Variants in RBFOX1 observed in about 807,000 individuals in gnomAD.
RBFOX1 encodes the protein RNA binding protein fox-1 homolog 1.
In RBFOX1, 8 loss-of-function variants were observed where a neutral mutation model predicts 57.7. That is an observed-to-expected ratio of 0.14 (90% CI 0.08 to 0.25). The LOEUF is 0.25. Ranked by LOEUF, RBFOX1 falls within the 10% of genes least tolerant of loss-of-function variation. RBFOX1 has a pLI of 1.00. For synonymous variants in RBFOX1, 326 were observed against 222.4 expected, an observed-to-expected ratio of 1.47 and a Z score of -4.15; for missense variants, 611 against 548.5, an observed-to-expected ratio of 1.11 and a Z score of -1.14.
intron 4 of RBFOX1, among the ~76,000 whole-genome samples, chr16:7,237,405 A>T (rs924975857): frequency 6.6e-6 from 1 of 152,162 alleles, no homozygotes; most frequent in Admixed American, 6.5e-5. Context: ...ATTTGAACTG[A>T]TCCTTCTATA....
At chr16:6,608,751 A>G (rs1023222763) in intron 2 of RBFOX1, among the ~76,000 whole-genome samples, 2 of 152,238 alleles carry the variant, frequency 1.3e-5, no homozygotes, top group Non-Finnish European at 2.9e-5. Flanking sequence ...TAACCTGTGC[A>G]TCAGAGCAAG....
chr16:6,970,526 C>G (rs911617777), intron 3 of RBFOX1, among the ~76,000 whole-genome samples: 5 of 152,226 alleles, frequency 3.3e-5, no homozygotes, highest in South Asian at 4.1e-4. Flanking sequence ...TCAGTAGATT[C>G]AGTGTCCGGT....
intron 4 of RBFOX1, among the ~76,000 whole-genome samples, chr16:5,949,033 A>C (rs1567179992): frequency 6.6e-6 from 1 of 152,132 alleles, no homozygotes; most frequent in Non-Finnish European, 1.5e-5. Flanking sequence ...CGTCATATAC[A>C]CAACTATTAT....
intron 3 of RBFOX1, among the ~76,000 whole-genome samples, chr16:6,978,072 C>G (rs1299737082): frequency 1.3e-5 from 2 of 151,918 alleles, no homozygotes. Flanking sequence ...GTACCCCGCC[C>G]CCCTTCATGT....
At chr16:7,028,502 G>T (rs995328051) in intron 3 of RBFOX1, among the ~76,000 whole-genome samples, 2 of 146,802 alleles carry the variant, frequency 1.4e-5, no homozygotes, top group African/African-American at 5.0e-5. Context: ...CAGGAGAATC[G>T]CTTGAACCCG....
At chr16:5,550,578 C>G (rs1322720908) in intron 2 of RBFOX1, among the ~76,000 whole-genome samples, 1 of 152,156 alleles carries the variant, frequency 6.6e-6, no homozygotes, top group Non-Finnish European at 1.5e-5. Flanking sequence ...AAAATGTAGT[C>G]ATTGACATGA....
At chr16:5,434,163 A>C (rs944497295) in intron 1 of RBFOX1, among the ~76,000 whole-genome samples, 7 of 152,076 alleles carry the variant, frequency 4.6e-5, no homozygotes, top group Non-Finnish European at 8.8e-5. Context: ...TTAACATTAC[A>C]TTATTGTTGT....
chr16:5,722,486 C>A (rs2051971946), intron 3 of RBFOX1, among the ~76,000 whole-genome samples: 1 of 152,172 alleles, frequency 6.6e-6, no homozygotes, highest in African/African-American at 2.4e-5. Flanking sequence ...TCAGCGCGAT[C>A]ATCTATCCCC....
At chr16:6,729,878 C>T (rs145926862) in intron 3 of RBFOX1, among the ~76,000 whole-genome samples, 22 of 152,134 alleles carry the variant, frequency 1.4e-4, no homozygotes, top group African/African-American at 4.8e-4. Context: ...TGCTTAGAAA[C>T]GAGAATGGCC....
chr16:6,001,215 T>C (rs1337076787), intron 4 of RBFOX1, among the ~76,000 whole-genome samples: 1 of 152,250 alleles, frequency 6.6e-6, no homozygotes, highest in African/African-American at 2.4e-5. Context: ...TGCCACATAT[T>C]AGCCTGGAGC....
chr16:5,619,996 A>G (rs111281180), intron 3 of RBFOX1, among the ~76,000 whole-genome samples: 1 of 151,536 alleles, frequency 6.6e-6, no homozygotes, highest in African/African-American at 2.4e-5. Context: ...TAAAAAAAAA[A>G]AAAAGAAAGA....
Position 6,210,351 on chromosome 16 carries a change from A to C in RBFOX1, c.-126-106644A>C, listed in dbSNP as rs1180986587. On this transcript the variant is annotated intron_variant, in intron 1 of 15. Coordinates refer to ENST00000550418, the MANE Select transcript of RBFOX1 (RefSeq NM_018723.4). ...AAACAAAAAAACAAAAAAACAAAAA[A>C]AAAAAACACCAAAAAAAAAAAAAAA... Among the ~76,000 whole-genome samples the C allele has an allele frequency of 1.6e-3, 119 of 75,812 alleles. 4 individuals carry two copies. Among genetic ancestry groups the C allele is most frequent in the African/African-American group, 9.1e-3 (109 of 12,028 alleles). The allele number at this position is 75,812 out of a possible 152,430, so 49.7% of individuals were successfully genotyped here. A position where few individuals can be genotyped will look rare whatever the true frequency, so the allele number is the denominator to read the frequency against.
At chr16:6,866,755 G>A (rs2060004124) in intron 3 of RBFOX1, among the ~76,000 whole-genome samples, 1 of 151,860 alleles carries the variant, frequency 6.6e-6, no homozygotes, top group South Asian at 2.1e-4. Context: ...TGTTAGCCAG[G>A]ATGGTCTCGA....
chr16:7,392,270 C>T (rs1597287347), intron 4 of RBFOX1, among the ~76,000 whole-genome samples: 2 of 152,164 alleles, frequency 1.3e-5, no homozygotes, highest in Non-Finnish European at 2.9e-5. Context: ...ACAACTTTCC[C>T]CTGTAGTCCC....
intron 2 of RBFOX1, among the ~76,000 whole-genome samples, chr16:6,339,298 G>A (rs2084194155): frequency 6.6e-6 from 1 of 152,168 alleles, no homozygotes. Flanking sequence ...CAATCATCTT[G>A]AACTTGAAGA....
At chr16:6,525,855 A>T (rs908353546) in intron 2 of RBFOX1, among the ~76,000 whole-genome samples, 1 of 152,114 alleles carries the variant, frequency 6.6e-6, no homozygotes, top group Non-Finnish European at 1.5e-5. Context: ...ACTAAGTTTG[A>T]ACACATGAAT....
intron 3 of RBFOX1, among the ~76,000 whole-genome samples, chr16:5,634,163 T>C (rs543730612): frequency 6.6e-6 from 1 of 152,232 alleles, no homozygotes; most frequent in Non-Finnish European, 1.5e-5. Flanking sequence ...TTCAGACTTG[T>C]GTACATCAGT....
chr16:6,287,920 C>A (rs923917110), intron 1 of RBFOX1, among the ~76,000 whole-genome samples: 23 of 152,240 alleles, frequency 1.5e-4, no homozygotes, highest in African/African-American at 5.5e-4. Flanking sequence ...GCTTTCCTGT[C>A]CTAAAATTTT....
intron 1 of RBFOX1, among the ~76,000 whole-genome samples, chr16:6,314,316 A>G (rs2152770183): frequency 2.0e-5 from 3 of 152,348 alleles, no homozygotes; most frequent in Admixed American, 2.0e-4. Context: ...CTTGCCTTCC[A>G]GAAATTCACA....
Sources: gnomAD v4.1 joint callset for allele counts (sites outside exome capture counted in the v4.1 genomes callset) on GRCh38, gnomAD v4.1.1 for gene constraint, MANE v1.5 for transcripts, NCBI Gene and HGNC (gene_info 2026-07-23, HGNC 2026-07-21) for gene names.